Variants in HECTD4 observed in about 807,000 individuals in gnomAD.
HECTD4 encodes probable E3 ubiquitin-protein ligase HECTD4.
In HECTD4, 114 loss-of-function variants were observed where a neutral mutation model predicts 471.5. The observed-to-expected ratio is 0.24, with a 90% CI of 0.21 to 0.28. HECTD4 has a LOEUF of 0.28. Among genes scored for constraint, HECTD4 ranks in the 10% least tolerant of loss-of-function variants. The pLI, the probability that HECTD4 is intolerant of heterozygous loss-of-function variation, is 1.00. For missense variants in HECTD4, 3,866 were observed against 5,651.5 expected, an observed-to-expected ratio of 0.68 and a Z score of 10.13; for synonymous variants, 2,012 against 2,256.0, an observed-to-expected ratio of 0.89 and a Z score of 3.07.
intron 38 of HECTD4, among the ~76,000 whole-genome samples, chr12:112,232,194 G>A (rs1204996936): frequency 1.3e-5 from 2 of 152,082 alleles, no homozygotes; most frequent in African/African-American, 2.4e-5. Flanking sequence ...GCAGTGGTGC[G>A]ATCTCGGCTC....
chr12:112,357,660 C>T (rs1269005198), intron 1 of HECTD4, among the ~76,000 whole-genome samples: 1 of 151,966 alleles, frequency 6.6e-6, no homozygotes, highest in Non-Finnish European at 1.5e-5. Context: ...CCTTGTTTAC[C>T]AAAGCAAAGA....
intron 9 of HECTD4, among the ~76,000 whole-genome samples, chr12:112,278,521 C>T (rs1378473830): frequency 1.3e-5 from 2 of 152,134 alleles, no homozygotes; most frequent in Non-Finnish European, 2.9e-5. Flanking sequence ...TACACATTTG[C>T]TTTTCTATGT....
At chr12:112,252,559 C>G (rs749361215) in intron 22 of HECTD4, 31 bp from the exon 23 acceptor site, 1 of 1,592,108 alleles carries the variant, frequency 6.3e-7, no homozygotes, top group South Asian at 1.2e-5. Flanking sequence ...GGGAAATGCA[C>G]TTTAAAAACA....
intron 1 of HECTD4, among the ~76,000 whole-genome samples, chr12:112,364,905 C>T (rs2135753320): frequency 6.6e-6 from 1 of 152,260 alleles, no homozygotes; most frequent in East Asian, 1.9e-4. Context: ...GATCACAGAG[C>T]CCTAGAAGGC....
rs1376736332 is a variant in HECTD4 at position 112,256,502 on chromosome 12, C to G, written c.3145G>C (p.Glu1049Gln). ...AAACCAGTGAGAAATCCTGGCTCTT[C>G]CTTCTCTTCTAACATTCTAAACAGA... ...FPDERMLEEKEEPGFLTGLKI... is the reference protein window; with the variant it reads ...FPDERMLEEKQEPGFLTGLKI... The change falls in exon 21 of 76, where the codon GAA becomes CAA. Residue 1049 changes from glutamate to glutamine, a missense_variant. Physicochemically the swap from Glu to Gln is conservative, Grantham distance 29. Coordinates refer to ENST00000682272, the MANE Select transcript of HECTD4 (RefSeq NM_001388303.1). 6.3e-7 allele frequency: 1 copy of G among 1,588,918 alleles called. No homozygotes were observed. Among genetic ancestry groups the G allele is most frequent in the African/African-American group, 1.4e-5 (1 of 73,478 alleles).
At chr12:112,282,463 TAAGAA>T (rs1303848307) in intron 8 of HECTD4, among the ~76,000 whole-genome samples, 3 of 152,234 alleles carry the variant, frequency 2.0e-5, no homozygotes, top group South Asian at 4.1e-4. Flanking sequence ...TACCTTCTAT[TAAGAA>T]AAGGCAGAAA....
rs773460362 is a variant in HECTD4, at chr12:112,243,550, C to T, written c.4792-31G>A. ...ACACACAAGGAGGGACACCTGACTC[C>T]TGCTAACTGCCGCAAGACCCCGCAT... On this transcript the variant is annotated intron_variant, in intron 31 of 75. Transcript: ENST00000682272. The surrounding 1 kb of genome is among the most constrained non-coding windows in gnomAD (Gnocchi z 6.6). 1.6e-5 allele frequency: 25 copies of T among 1,601,030 alleles called. No homozygotes were observed. The highest frequency in any genetic ancestry group is 2.1e-5 in the Non-Finnish European group (25 of 1,173,486).
chr12:112,321,398 G>T (rs2035581347), intron 1 of HECTD4, among the ~76,000 whole-genome samples: 1 of 152,112 alleles, frequency 6.6e-6, no homozygotes, highest in Non-Finnish European at 1.5e-5. Context: ...AATTTGACTA[G>T]ATCAAAACCA....
intron 72 of HECTD4, among the ~76,000 whole-genome samples, chr12:112,165,501 G>A (rs1593884245): frequency 6.6e-6 from 1 of 151,428 alleles, no homozygotes; most frequent in Admixed American, 6.6e-5. Context: ...ACAGGCGCCC[G>A]CCACCATGCC....
rs1389012103 is a variant in HECTD4, at chr12:112,249,911, A to T, written c.3950+233T>A. 8 of 538,904 alleles carry T rather than the reference A, an allele frequency of 1.5e-5. No homozygotes were observed. In the Admixed American group the frequency reaches 1.9e-4, roughly 13 times the overall value. 33.4% of individuals were successfully genotyped at this position (538,904 alleles called of 1,614,324 possible). A position where few individuals can be genotyped will look rare whatever the true frequency, so the allele number is the denominator to read the frequency against. On this transcript the variant is annotated intron_variant, in intron 25 of 75. Transcript: ENST00000682272. Reference sequence around the variant, plus strand: ...CAATAGGTGCAAAATGGGGTCCAAGAACCAACAAGTTCCCAAGTGATGCCA... The same window carrying T: ...CAATAGGTGCAAAATGGGGTCCAAGTACCAACAAGTTCCCAAGTGATGCCA...
intron 44 of HECTD4, among the ~76,000 whole-genome samples, chr12:112,222,775 A>G (rs1443240809): frequency 6.6e-6 from 1 of 152,210 alleles, no homozygotes; most frequent in Non-Finnish European, 1.5e-5. Context: ...TTGTGGCTGC[A>G]GTGAGCCTTG....
intron 11 of HECTD4, 90 bp from the exon 12 acceptor site, chr12:112,270,549 G>T: frequency 9.7e-7 from 1 of 1,035,388 alleles, no homozygotes; most frequent in Non-Finnish European, 1.5e-6. Flanking sequence ...AGGTGTGTGC[G>T]CACTAGAAAA....
intron 54 of HECTD4, 114 bp downstream of exon 54, chr12:112,203,522 T>C: frequency 1.1e-6 from 1 of 889,256 alleles, no homozygotes; most frequent in Non-Finnish European, 1.6e-6. Flanking sequence ...TCTTCGTCCC[T>C]GATTTGAAGA....
chr12:112,220,590 A>G (rs1257473369), intron 44 of HECTD4, among the ~76,000 whole-genome samples: 1 of 152,044 alleles, frequency 6.6e-6, no homozygotes, highest in Admixed American at 6.6e-5. Flanking sequence ...TGAGGCCAGA[A>G]GTTCAAAACC....
rs556332769 is a variant in HECTD4, at chr12:112,175,788, G to A, written c.11542C>T (p.Arg3848Cys). ...GACAAGATCGCCCTCCAGACGCTAC[G>A]GATATCTTGCCTGGCTCGGTCAATA... ...FVIDRARQDI[R>C]SVWRAILSCG... The change falls in exon 66 of 76, where the codon CGT becomes TGT. Residue 3848 changes from arginine (R) to cysteine (C), a missense_variant. By Grantham distance (180) the Arg-to-Cys change is radical (BLOSUM62 -3). Around this residue, in one of 16 missense-constraint regions of HECTD4, gnomAD observed 715 missense variants for 1,087.6 expected, o/e 0.66. Coordinates refer to ENST00000682272, the MANE Select transcript of HECTD4 (RefSeq NM_001388303.1). 4 of 1,613,412 alleles carry A rather than the reference G, an allele frequency of 2.5e-6. No homozygotes were observed. The highest frequency in any genetic ancestry group is 2.2e-5 in the East Asian group (1 of 44,866).
At chr12:112,167,211 T>C (rs1315161015) in intron 72 of HECTD4, 106 bp downstream of exon 72, 1 of 1,024,880 alleles carries the variant, frequency 9.8e-7, no homozygotes, top group Non-Finnish European at 1.4e-6. Context: ...CTCTGTGGGA[T>C]CCCAACCCAG....
At chr12:112,171,013 T>G (rs1268840805) in intron 68 of HECTD4, 104 bp downstream of exon 68, 3 of 979,100 alleles carry the variant, frequency 3.1e-6, no homozygotes, top group Non-Finnish European at 4.4e-6. Context: ...GGGTGGCATC[T>G]TCCTGGCGGG....
rs11066271 is a variant in HECTD4 at position 112,363,203 on chromosome 12, C to A, written c.177+18749G>T. Among the ~76,000 whole-genome samples, 8,484 of 151,906 alleles carry A rather than the reference C, an allele frequency of 0.056. 1,301 individuals carry two copies. In the East Asian group the frequency reaches 0.61, roughly 11 times the overall value. ...TTAATTTTTTAAAATTTATATATAA[C>A]ATGTAATATGTATTCATGTGTATAT... is the stretch of plus-strand genomic sequence containing the variant. On this transcript the variant is annotated intron_variant, in intron 1 of 75. Coordinates refer to ENST00000682272, the MANE Select transcript of HECTD4 (RefSeq NM_001388303.1).
intron 7 of HECTD4, among the ~76,000 whole-genome samples, chr12:112,298,864 AGAGT>A (rs2035100400): frequency 6.7e-6 from 1 of 150,004 alleles, no homozygotes; most frequent in South Asian, 2.1e-4. Flanking sequence ...CCTGGGTGAC[AGAGT>A]GAGACTCCAT....
Sources: allele counts gnomAD v4.1 joint callset (sites outside exome capture counted in the v4.1 genomes callset), GRCh38; gene constraint gnomAD v4.1.1; regional missense constraint gnomAD v4.1.1; non-coding constraint Gnocchi (gnomAD v3.1); transcripts MANE v1.5; gene names NCBI Gene and HGNC (gene_info 2026-07-23, HGNC 2026-07-21).